Variants in DOCK7 observed in about 807,000 individuals in gnomAD.
DOCK7 encodes the protein dedicator of cytokinesis 7, also known as dedicator of cytokinesis protein 7.
Under a neutral mutation model 271.0 loss-of-function variants are expected in DOCK7, and 138 were observed. The observed-to-expected ratio is 0.51, with a 90% CI of 0.44 to 0.59. The LOEUF (loss-of-function observed/expected upper bound fraction) is 0.59, where lower values mean the gene tolerates loss of function less well. Ranked by LOEUF, DOCK7 falls within the 20% of genes least tolerant of loss-of-function variation. DOCK7 has a pLI of 0.00. For synonymous variants in DOCK7, 823 were observed against 876.1 expected, an observed-to-expected ratio of 0.94 and a Z score of 1.07; for missense variants, 2,066 against 2,592.4, an observed-to-expected ratio of 0.80 and a Z score of 4.41.
intron 37 of DOCK7, 54 bp from the exon 38 acceptor site, chr1:62,496,551 T>C: frequency 6.7e-7 from 1 of 1,497,506 alleles, no homozygotes; most frequent in Non-Finnish European, 8.9e-7. Context: ...CTTTAAAAAG[T>C]CTGCTATTTT....
At chr1:62,635,291 C>T (rs1291259757) in intron 8 of DOCK7, 1 of 154,538 alleles carries the variant, frequency 6.5e-6, no homozygotes, top group Non-Finnish European at 1.4e-5. Context: ...AACCATATTC[C>T]AAATTCTTTT....
chr1:62,615,444 A>G (rs1557805778), intron 14 of DOCK7, among the ~76,000 whole-genome samples: 3 of 151,858 alleles, frequency 2.0e-5, no homozygotes, highest in South Asian at 4.1e-4. Flanking sequence ...TTGACATTCT[A>G]TATCACATTT....
At chr1:62,508,984 T>G (rs1411598046) in intron 34 of DOCK7, among the ~76,000 whole-genome samples, 1 of 152,182 alleles carries the variant, frequency 6.6e-6, no homozygotes, top group Non-Finnish European at 1.5e-5. Context: ...TTCTAAGTTT[T>G]TAGATCTGTA....
At chr1:62,503,710 G>A (rs1052906871) in intron 37 of DOCK7, among the ~76,000 whole-genome samples, 1 of 151,864 alleles carries the variant, frequency 6.6e-6, no homozygotes, top group Non-Finnish European at 1.5e-5. Context: ...CAAAGTGTTG[G>A]GATTACACGT....
intron 14 of DOCK7, chr1:62,601,935 G>T: frequency 9.1e-7 from 1 of 1,096,820 alleles, no homozygotes. Context: ...TACTCATTAC[G>T]TATTAGGAAG....
chr1:62,514,624 TTACAGATAAAAA>T (rs1644604094), intron 31 of DOCK7, among the ~76,000 whole-genome samples: 1 of 151,836 alleles, frequency 6.6e-6, no homozygotes, highest in Non-Finnish European at 1.5e-5. Flanking sequence ...CATCCCAATT[TTACAGATAAAAA>T]TACAGATGAT....
In DOCK7 at chr1:62,548,786, G is replaced by C. The variant is rs553020186; in HGVS notation, c.2767-3747C>G. ...GTGAACAGAGCACAGGGTAGAAGTA[G>C]GGAAACCATCTTTAAAACTAGTACA... On this transcript the variant is annotated intron_variant, in intron 22 of 49. Coordinates refer to ENST00000635253, the MANE Select transcript of DOCK7 (RefSeq NM_001367561.1). Among the ~76,000 whole-genome samples, 3 of 152,264 alleles carry C rather than the reference G, an allele frequency of 2.0e-5. No homozygotes were observed. The South Asian group carries it at 6.2e-4, about 32-fold the overall frequency.
chr1:62,455,560 C>A, intron 49 of DOCK7, 104 bp from the exon 50 acceptor site: 1 of 1,086,134 alleles, frequency 9.2e-7, no homozygotes, highest in South Asian at 1.4e-5. Flanking sequence ...TAAAGTTTTG[C>A]CACCATTTCT....
intron 2 of DOCK7, among the ~76,000 whole-genome samples, chr1:62,659,862 A>C (rs559645279): frequency 6.8e-4 from 104 of 152,320 alleles, no homozygotes; most frequent in Non-Finnish European, 1.2e-3. Flanking sequence ...AGCAATCTTA[A>C]ATGTGTATGT....
intron 14 of DOCK7, among the ~76,000 whole-genome samples, chr1:62,612,286 T>C (rs761864915): frequency 4.6e-5 from 7 of 152,110 alleles, no homozygotes; most frequent in Non-Finnish European, 1.0e-4. Context: ...AAGTAACAGA[T>C]AACACAAAAA....
At chr1:62,662,998 A>T in intron 2 of DOCK7, 27 bp downstream of exon 2, 1 of 1,555,840 alleles carries the variant, frequency 6.4e-7, no homozygotes, top group Non-Finnish European at 8.8e-7. Context: ...CACCAAGAAG[A>T]GACTATATTT....
chr1:62,539,386 T>C (rs936960412), intron 27 of DOCK7, among the ~76,000 whole-genome samples, 159 bp downstream of exon 27: 1 of 152,218 alleles, frequency 6.6e-6, no homozygotes, highest in Non-Finnish European at 1.5e-5. Flanking sequence ...CATGTGTAAT[T>C]TACTTTTGCC....
At chr1:62,582,175 G>C (rs1262485094) in intron 16 of DOCK7, among the ~76,000 whole-genome samples, 1 of 152,178 alleles carries the variant, frequency 6.6e-6, no homozygotes, top group South Asian at 2.1e-4. Flanking sequence ...AATGCTGAGA[G>C]TAAAGCACAT....
At chr1:62,650,449 C>T (rs956995684) in intron 4 of DOCK7, among the ~76,000 whole-genome samples, 1 of 152,134 alleles carries the variant, frequency 6.6e-6, no homozygotes, top group Non-Finnish European at 1.5e-5. Flanking sequence ...CAAATGGGAT[C>T]TAATTAAACT....
intron 14 of DOCK7, chr1:62,598,048 T>C (rs759948701): frequency 3.2e-6 from 5 of 1,584,168 alleles, no homozygotes; most frequent in Middle Eastern, 1.7e-4. Context: ...CACCCAGAAG[T>C]AACTTCACTT....
chr1:62,666,626 C>A (rs186269601), intron 1 of DOCK7, among the ~76,000 whole-genome samples: 12 of 152,256 alleles, frequency 7.9e-5, no homozygotes, highest in Admixed American at 7.8e-4. Flanking sequence ...ATATCATGAT[C>A]CAAAGTATGC....
At chr1:62,550,562 T>C (rs1430083866) in intron 22 of DOCK7, among the ~76,000 whole-genome samples, 1 of 152,128 alleles carries the variant, frequency 6.6e-6, no homozygotes, top group African/African-American at 2.4e-5. Flanking sequence ...AAGGGCTCTC[T>C]TGAGGTTTAT....
At chr1:62,596,523 T>A (rs1649269704) in intron 14 of DOCK7, among the ~76,000 whole-genome samples, 1 of 152,130 alleles carries the variant, frequency 6.6e-6, no homozygotes, top group Admixed American at 6.6e-5. Flanking sequence ...ATTAATTGGC[T>A]GGGCTCACGC....
intron 2 of DOCK7, among the ~76,000 whole-genome samples, chr1:62,659,828 A>G (rs1017235454): frequency 1.4e-4 from 22 of 152,298 alleles, no homozygotes; most frequent in African/African-American, 5.3e-4. Flanking sequence ...CCTTCATTAT[A>G]AAAGGAATGA....
Sources: gnomAD v4.1 joint callset for allele counts (sites outside exome capture counted in the v4.1 genomes callset) on GRCh38, gnomAD v4.1.1 for gene constraint, MANE v1.5 for transcripts, NCBI Gene and HGNC (gene_info 2026-07-23, HGNC 2026-07-21) for gene names.